Variants in TMPRSS15 observed in about 807,000 individuals in gnomAD.
TMPRSS15 encodes transmembrane serine protease 15, also known as enteropeptidase.
TMPRSS15 carries 128 observed loss-of-function variants against 125.3 expected under a neutral mutation model. That is an observed-to-expected ratio of 1.02 (90% CI 0.89 to 1.18). The LOEUF is 1.18. Ranked by LOEUF, TMPRSS15 falls within the 50% of genes most tolerant of loss-of-function variation. The probability of loss-of-function intolerance (pLI) is 0.00; values close to 1 mark genes in which losing one functional copy is unlikely to be tolerated. For missense variants in TMPRSS15, 1,283 were observed against 1,212.7 expected, an observed-to-expected ratio of 1.06 and a Z score of -0.86; for synonymous variants, 446 against 423.2, an observed-to-expected ratio of 1.05 and a Z score of -0.66.
At chr21:18,387,392 A>C (rs1192213952) in intron 3 of TMPRSS15, among the ~76,000 whole-genome samples, 1 of 152,220 alleles carries the variant, frequency 6.6e-6, no homozygotes, top group African/African-American at 2.4e-5. Flanking sequence ...AGGGCTGCTG[A>C]GTAAACAAGT....
chr21:18,308,328 A>G (rs2146927501), intron 18 of TMPRSS15, among the ~76,000 whole-genome samples: 1 of 152,012 alleles, frequency 6.6e-6, no homozygotes, highest in East Asian at 1.9e-4. Flanking sequence ...AAAGCTCCCC[A>G]TGTTTAAAGA....
Position 18,297,775 on chromosome 21 carries a change from T to A in TMPRSS15, c.2220A>T (p.Lys740Asn), listed in dbSNP as rs2074923403. Residue 740 changes from lysine to asparagine, a missense_variant, in exon 19 of 25, where the codon AAA (lysine) becomes AAT (asparagine). Coordinates refer to ENST00000284885, the MANE Select transcript of TMPRSS15 (RefSeq NM_002772.3). ...IFPTDGGPFV[K>N]LNTAPDGHLI... ...AGTGGCCATCAGGTGCTGTGTTTAA[T>A]TTGACAAATGGTCCACCATCGGTAG... is the stretch of plus-strand genomic sequence containing the variant. 1 of 1,613,874 alleles carries A rather than the reference T, an allele frequency of 6.2e-7. No individual in the cohort carries two copies. The highest frequency in any genetic ancestry group is 8.5e-7 in the Non-Finnish European group (1 of 1,179,812).
At chr21:18,311,210 G>A (rs2075098405) in intron 18 of TMPRSS15, among the ~76,000 whole-genome samples, 1 of 151,966 alleles carries the variant, frequency 6.6e-6, no homozygotes, top group African/African-American at 2.4e-5. Flanking sequence ...AAAAGCACAG[G>A]CAACCAAAGC....
intron 10 of TMPRSS15, among the ~76,000 whole-genome samples, chr21:18,348,797 T>C (rs1164834340): frequency 9.2e-5 from 14 of 152,226 alleles, no homozygotes; most frequent in Non-Finnish European, 1.0e-4. Flanking sequence ...AGCCAATGTA[T>C]GTTTCTCGAA....
intron 1 of TMPRSS15, among the ~76,000 whole-genome samples, chr21:18,451,991 T>C (rs1293964273): frequency 6.6e-6 from 1 of 151,324 alleles, no homozygotes; most frequent in Non-Finnish European, 1.5e-5. Context: ...TTGCTTCCAG[T>C]TGATGTGGTT....
At chr21:18,415,999 C>T (rs886804920) in intron 1 of TMPRSS15, among the ~76,000 whole-genome samples, 2 of 151,906 alleles carry the variant, frequency 1.3e-5, no homozygotes, top group Non-Finnish European at 2.9e-5. Context: ...TATTTCAAAA[C>T]ATTAACAAGG....
chr21:18,325,923 C>T (rs1006996808), intron 16 of TMPRSS15, among the ~76,000 whole-genome samples: 1 of 151,938 alleles, frequency 6.6e-6, no homozygotes, highest in Admixed American at 6.6e-5. Context: ...TACTAAAACA[C>T]CTAGTGTCGG....
intron 21 of TMPRSS15, among the ~76,000 whole-genome samples, chr21:18,289,794 AC>A (rs35335139): frequency 0.086 from 13,048 of 152,168 alleles, 996 homozygotes; most frequent in East Asian, 0.36. Context: ...TTGCCCACCC[AC>A]GTGACTGCAT....
In TMPRSS15 at chr21:18,352,997, A is replaced by G; in HGVS notation, c.1077T>C (p.Asp359=). 1 of 1,611,856 alleles carries G rather than the reference A, an allele frequency of 6.2e-7. No homozygotes were observed. The highest frequency in any genetic ancestry group is 1.1e-5 in the South Asian group (1 of 91,016). The change falls in exon 10 of 25, where the codon GAT becomes GAC. Residue 359 remains aspartate, a synonymous_variant. Coordinates refer to ENST00000284885, the MANE Select transcript of TMPRSS15 (RefSeq NM_002772.3). The part of the protein sequence containing the change: ...FEDGFCFWVQ[D]LNDDNEWERI... ...TTTCCCATTCATTATCATCATTTAG[A>G]TCCTGGACCCAGAAACAAAAGCCAT...
intron 3 of TMPRSS15, among the ~76,000 whole-genome samples, chr21:18,392,995 G>A (rs550708854): frequency 1.3e-5 from 2 of 152,258 alleles, no homozygotes; most frequent in African/African-American, 4.8e-5. Context: ...TGAGATTTGA[G>A]TGGGGACACA....
At chr21:18,409,637 ATT>A (rs1464444505) in intron 1 of TMPRSS15, among the ~76,000 whole-genome samples, 1 of 151,838 alleles carries the variant, frequency 6.6e-6, no homozygotes, top group Non-Finnish European at 1.5e-5. Context: ...GTTGTAATTG[ATT>A]TTCATAATTA....
At chr21:18,277,097 T>TGGAAA (rs1337692883) in intron 23 of TMPRSS15, among the ~76,000 whole-genome samples, 1 of 152,048 alleles carries the variant, frequency 6.6e-6, no homozygotes, top group African/African-American at 2.4e-5. Flanking sequence ...ATTAAGTAGA[T>TGGAAA]GGAAGTCATA....
At chr21:18,393,595 C>G (rs1244934561) in intron 3 of TMPRSS15, among the ~76,000 whole-genome samples, 1 of 152,106 alleles carries the variant, frequency 6.6e-6, no homozygotes, top group African/African-American at 2.4e-5. Flanking sequence ...ATTTTTCTTG[C>G]ACTATCACAC....
At chr21:18,479,164 A>T (rs1360894650) in intron 1 of TMPRSS15, among the ~76,000 whole-genome samples, 2 of 151,906 alleles carry the variant, frequency 1.3e-5, no homozygotes, top group Non-Finnish European at 1.5e-5. Flanking sequence ...TATCAGGTTT[A>T]AAAAAATGCT....
intron 5 of TMPRSS15, among the ~76,000 whole-genome samples, chr21:18,374,293 G>T (rs1342415268): frequency 6.6e-6 from 1 of 150,996 alleles, no homozygotes; most frequent in African/African-American, 2.4e-5. Context: ...CTAACAAGGT[G>T]AAACCCCGTC....
At chr21:18,306,054 A>T (rs2075035506) in intron 18 of TMPRSS15, among the ~76,000 whole-genome samples, 1 of 152,232 alleles carries the variant, frequency 6.6e-6, no homozygotes, top group South Asian at 2.1e-4. Context: ...AAATTTTAAA[A>T]ATGTAAAATA....
At chr21:18,456,858 A>G (rs1237487708) in intron 1 of TMPRSS15, among the ~76,000 whole-genome samples, 1 of 152,120 alleles carries the variant, frequency 6.6e-6, no homozygotes, top group East Asian at 1.9e-4. Flanking sequence ...ATTATTTCAA[A>G]TGACAGGTAA....
At chr21:18,446,191 A>T (rs540207648) in intron 1 of TMPRSS15, among the ~76,000 whole-genome samples, 2 of 152,324 alleles carry the variant, frequency 1.3e-5, no homozygotes, top group South Asian at 2.1e-4. Context: ...AATTAAGAAG[A>T]TAATCCCATT....
At chr21:18,337,213 T>C (rs964011843) in intron 13 of TMPRSS15, among the ~76,000 whole-genome samples, 3 of 152,152 alleles carry the variant, frequency 2.0e-5, no homozygotes, top group Non-Finnish European at 4.4e-5. Context: ...TACCTTTAAT[T>C]TACATTTGGA....
Sources: allele counts gnomAD v4.1 joint callset (sites outside exome capture counted in the v4.1 genomes callset), GRCh38; gene constraint gnomAD v4.1.1; transcripts MANE v1.5; gene names NCBI Gene and HGNC (gene_info 2026-07-23, HGNC 2026-07-21).